The following NRXN3 variants were observed in gnomAD, a reference collection of about 807,000 sequenced individuals.
NRXN3 encodes neurexin III.
A neutral mutation model predicts 137.6 loss-of-function variants in NRXN3; 32 were observed. The ratio of observed to expected loss-of-function variants is 0.23; its 90% CI spans 0.18 to 0.31. The LOEUF is 0.31. Among genes scored for constraint, NRXN3 ranks in the 10% least tolerant of loss-of-function variants. The pLI is 1.00. For missense variants in NRXN3, 1,574 were observed against 2,062.5 expected, an observed-to-expected ratio of 0.76 and a Z score of 4.59; for synonymous variants, 798 against 784.5, an observed-to-expected ratio of 1.02 and a Z score of -0.29.
chr14:79,366,143 G>A (rs1363578459), intron 15 of NRXN3, among the ~76,000 whole-genome samples: 1 of 152,038 alleles, frequency 6.6e-6, no homozygotes, highest in Non-Finnish European at 1.5e-5. Flanking sequence ...TAAGTTACTT[G>A]TCATGTACTT....
chr14:79,611,627 ATTATAC>A (rs1469678144), intron 16 of NRXN3: 6 of 152,288 alleles, frequency 3.9e-5, no homozygotes, highest in Admixed American at 3.9e-4. Context: ...TGTTGGTCAA[ATTATAC>A]ACAACGATTC....
intron 15 of NRXN3, among the ~76,000 whole-genome samples, chr14:79,108,085 T>A (rs1254705917): frequency 6.6e-6 from 1 of 152,138 alleles, no homozygotes; most frequent in African/African-American, 2.4e-5. Flanking sequence ...AGTAGCTACG[T>A]GTCACTGTGT....
intron 1 of NRXN3, among the ~76,000 whole-genome samples, chr14:78,172,344 A>G (rs1237613850): frequency 6.6e-6 from 1 of 152,132 alleles, no homozygotes; most frequent in East Asian, 1.9e-4. Flanking sequence ...TCATCGTTCA[A>G]GGGCTTCTGC....
At chr14:78,509,588 C>T (rs2096064512) in intron 4 of NRXN3, among the ~76,000 whole-genome samples, 1 of 152,066 alleles carries the variant, frequency 6.6e-6, no homozygotes. Context: ...TGTAATTGAC[C>T]TCTCTATTGA....
chr14:78,484,787 A>G (rs746955957), intron 4 of NRXN3, among the ~76,000 whole-genome samples: 34 of 152,120 alleles, frequency 2.2e-4, no homozygotes, highest in Non-Finnish European at 4.4e-4. Context: ...TCACTGTTAG[A>G]CCTGTATTCT....
intron 15 of NRXN3, among the ~76,000 whole-genome samples, chr14:79,197,203 A>G (rs2065252676): frequency 6.6e-6 from 1 of 152,224 alleles, no homozygotes; most frequent in Non-Finnish European, 1.5e-5. Flanking sequence ...CCAGATTGAC[A>G]TCCTCAAGTC....
At chr14:78,313,170 A>G (rs2078173517) in intron 4 of NRXN3, among the ~76,000 whole-genome samples, 3 of 152,142 alleles carry the variant, frequency 2.0e-5, no homozygotes, top group South Asian at 2.1e-4. Flanking sequence ...TCCAAAAATT[A>G]TAGGAAAAAA....
chr14:78,310,260 CTTTTTTTTT>C (rs201314931), intron 4 of NRXN3, among the ~76,000 whole-genome samples: 2 of 125,720 alleles, frequency 1.6e-5, no homozygotes, highest in Admixed American at 8.4e-5. Flanking sequence ...TTATGAATGG[CTTTTTTTTT>C]TTTTTTTTTT....
intron 16 of NRXN3, among the ~76,000 whole-genome samples, chr14:79,508,548 C>A (rs552227890): frequency 6.6e-6 from 1 of 151,560 alleles, no homozygotes; most frequent in African/African-American, 2.4e-5. Context: ...TGCTACCACG[C>A]CCGGCTAGTT....
In NRXN3 at chr14:79,645,645, G is replaced by A. The variant is rs887968087; in HGVS notation, c.3445-18133G>A. ...AAAAAAAAAAAGTTTTTTTCGTGTCGGTATTAATGCCTGGTATAATACCTC... is the reference window on the plus strand; with the variant it reads ...AAAAAAAAAAAGTTTTTTTCGTGTCAGTATTAATGCCTGGTATAATACCTC... On this transcript the variant is annotated intron_variant, in intron 16 of 20. Coordinates refer to ENST00000335750, the MANE Select transcript of NRXN3 (RefSeq NM_001330195.2). 3.8e-5 allele frequency among the ~76,000 whole-genome samples: 5 copies of A among 133,096 alleles called. 1 individual carries two copies. Among genetic ancestry groups the A allele is most frequent in the South Asian group, 2.4e-4 (1 of 4,176 alleles). The allele number at this position is 133,096 out of a possible 152,430, so 87.3% of individuals were successfully genotyped here.
chr14:79,184,462 A>C (rs1182552576), intron 15 of NRXN3, among the ~76,000 whole-genome samples: 1 of 152,218 alleles, frequency 6.6e-6, no homozygotes, highest in Non-Finnish European at 1.5e-5. Flanking sequence ...ACCTTTACAA[A>C]AGTAGGTGCT....
chr14:79,207,038 C>A (rs1164395565), intron 15 of NRXN3, among the ~76,000 whole-genome samples: 1 of 152,168 alleles, frequency 6.6e-6, no homozygotes, highest in Non-Finnish European at 1.5e-5. Flanking sequence ...CCCAGCACAC[C>A]ATCCCTCCCC....
chr14:79,240,601 C>T (rs2074113616), intron 15 of NRXN3, among the ~76,000 whole-genome samples: 1 of 152,160 alleles, frequency 6.6e-6, no homozygotes, highest in African/African-American at 2.4e-5. Context: ...ACTCAATGCA[C>T]ACCAGTGAGA....
intron 15 of NRXN3, among the ~76,000 whole-genome samples, chr14:79,345,584 A>C (rs2092830378): frequency 6.6e-6 from 1 of 152,154 alleles, no homozygotes; most frequent in African/African-American, 2.4e-5. Flanking sequence ...AGTGTTGGCG[A>C]TGCAGCCTGG....
chr14:78,640,894 G>A (rs900173341), intron 4 of NRXN3, among the ~76,000 whole-genome samples: 7 of 152,090 alleles, frequency 4.6e-5, no homozygotes, highest in African/African-American at 1.7e-4. Flanking sequence ...AATTTAAATG[G>A]ATCTAAACAG....
At chr14:78,376,763 T>A (rs1049727531) in intron 4 of NRXN3, among the ~76,000 whole-genome samples, 4 of 152,104 alleles carry the variant, frequency 2.6e-5, no homozygotes, top group African/African-American at 9.7e-5. Context: ...TCCAGCTGAA[T>A]AGCCCAGAAA....
At chr14:78,942,624 A>C (rs188256199) in intron 10 of NRXN3, among the ~76,000 whole-genome samples, 2 of 152,208 alleles carry the variant, frequency 1.3e-5, no homozygotes, top group East Asian at 3.9e-4. Context: ...TGAAAACAGG[A>C]GGGGGAAAAT....
At chr14:78,792,121 T>C (rs913991044) in intron 8 of NRXN3, among the ~76,000 whole-genome samples, 2 of 149,470 alleles carry the variant, frequency 1.3e-5, no homozygotes, top group African/African-American at 2.5e-5. Flanking sequence ...GAACAGAAAA[T>C]TTCCCGTGAG....
chr14:78,877,641 C>T (rs768359557), intron 10 of NRXN3, among the ~76,000 whole-genome samples: 1 of 152,156 alleles, frequency 6.6e-6, no homozygotes. Context: ...AATGAATAGA[C>T]AGGCTTTTAT....
Sources: allele counts gnomAD v4.1 joint callset (sites outside exome capture counted in the v4.1 genomes callset), GRCh38; gene constraint gnomAD v4.1.1; transcripts MANE v1.5; gene names NCBI Gene and HGNC (gene_info 2026-07-23, HGNC 2026-07-21).